GBE1: variants seen among roughly 807,000 people sequenced by gnomAD.
GBE1 encodes 1,4-alpha-glucan branching enzyme 1, also known as 1,4-alpha-glucan-branching enzyme.
In GBE1, 70 loss-of-function variants were observed where a neutral mutation model predicts 88.8. That is an observed-to-expected ratio of 0.79 (90% CI 0.65 to 0.96). The LOEUF (loss-of-function observed/expected upper bound fraction) is 0.96. Among genes scored for constraint, GBE1 ranks in the 40% least tolerant of loss-of-function variants. The pLI is 0.00. For missense variants in GBE1, 872 were observed against 871.0 expected (o/e 1.00, Z -0.01); for synonymous variants, 284 against 300.1 (o/e 0.95, Z 0.56).
chr3:81,514,029 G>GTTA (rs1702760690), intron 14 of GBE1, among the ~76,000 whole-genome samples: 1 of 151,610 alleles, frequency 6.6e-6, no homozygotes, highest in Non-Finnish European at 1.5e-5. Context: ...TGTTACATGA[G>GTTA]CCAATGGGAA....
chr3:81,549,180 C>T (rs1703243662), intron 12 of GBE1, among the ~76,000 whole-genome samples: 1 of 150,834 alleles, frequency 6.6e-6, no homozygotes, highest in Non-Finnish European at 1.5e-5. Flanking sequence ...CAGGTGTCCA[C>T]CACCATGCCG....
intron 1 of GBE1, among the ~76,000 whole-genome samples, chr3:81,738,828 G>A (rs1559704512): frequency 6.6e-6 from 1 of 152,140 alleles, no homozygotes; most frequent in Non-Finnish European, 1.5e-5. Context: ...AAAATTAAGG[G>A]TTAGGAAAGT....
intron 7 of GBE1, among the ~76,000 whole-genome samples, chr3:81,635,433 G>A (rs559619134): frequency 1.4e-4 from 22 of 152,196 alleles, no homozygotes; most frequent in South Asian, 1.2e-3. Context: ...GGATGCTTTC[G>A]AAATTATAAG....
At chr3:81,737,909 C>G (rs1283971183) in intron 1 of GBE1, among the ~76,000 whole-genome samples, 1 of 152,018 alleles carries the variant, frequency 6.6e-6, no homozygotes, top group African/African-American at 2.4e-5. Flanking sequence ...CCCCTTCCCC[C>G]ACCCCAAAAC....
chr3:81,611,898 G>T (rs1704187074), intron 7 of GBE1, among the ~76,000 whole-genome samples: 1 of 151,974 alleles, frequency 6.6e-6, no homozygotes, highest in South Asian at 2.1e-4. Context: ...CACAAGCAAC[G>T]TGACAAGTTT....
chr3:81,518,990 T>C (rs1020917247), intron 14 of GBE1, among the ~76,000 whole-genome samples: 2 of 151,614 alleles, frequency 1.3e-5, no homozygotes, highest in African/African-American at 4.8e-5. Context: ...GAAATTATCC[T>C]TTACATATAT....
intron 1 of GBE1, among the ~76,000 whole-genome samples, chr3:81,750,924 C>T (rs941698818): frequency 9.9e-5 from 15 of 151,268 alleles, no homozygotes; most frequent in African/African-American, 3.6e-4. Flanking sequence ...GTGATCTGCC[C>T]ACCTCAGCCT....
chr3:81,672,160 T>C (rs1454413900), intron 2 of GBE1, among the ~76,000 whole-genome samples: 1 of 151,976 alleles, frequency 6.6e-6, no homozygotes, highest in East Asian at 1.9e-4. Context: ...AGCAACGATA[T>C]AAAACATTGC....
chr3:81,722,896 GTATATA>G (rs553712949), intron 1 of GBE1, among the ~76,000 whole-genome samples: 1 of 135,322 alleles, frequency 7.4e-6, no homozygotes, highest in Non-Finnish European at 1.6e-5. Context: ...GTGTGTGTGT[GTATATA>G]TATATATATA....
intron 14 of GBE1, among the ~76,000 whole-genome samples, chr3:81,533,380 C>T (rs951346353): frequency 3.9e-5 from 6 of 152,052 alleles, no homozygotes; most frequent in South Asian, 2.1e-4. Flanking sequence ...GACAACACAG[C>T]GCATTCTGTG....
In GBE1 at chr3:81,669,729, T is replaced by C. The variant is rs569526376; in HGVS notation, c.429+1109A>G. 2.6e-5 allele frequency among the ~76,000 whole-genome samples: 4 copies of C among 152,254 alleles called. No individual in the cohort carries two copies. The South Asian group carries it at 6.2e-4, about 24-fold the overall frequency. ...TTAAATTTTAATTCCTCTTATTGTA[T>C]ACTGTCAGTATTTTTCTCTTTTTCA... On this transcript the variant is annotated intron_variant, in intron 3 of 15. Coordinates refer to ENST00000429644, the MANE Select transcript of GBE1 (RefSeq NM_000158.4).
At chr3:81,515,806 G>A (rs1488056120) in intron 14 of GBE1, among the ~76,000 whole-genome samples, 1 of 151,582 alleles carries the variant, frequency 6.6e-6, no homozygotes, top group African/African-American at 2.4e-5. Context: ...ATAGGAAGAA[G>A]TTTTTGGTGG....
At chr3:81,655,809 C>T (rs370213953) in intron 3 of GBE1, among the ~76,000 whole-genome samples, 82 of 152,284 alleles carry the variant, frequency 5.4e-4, no homozygotes, top group African/African-American at 1.8e-3. Context: ...GCTGAGCCAC[C>T]ACGCCCAGCC....
At chr3:81,642,699 C>T in intron 7 of GBE1, 82 bp downstream of exon 7, 2 of 884,820 alleles carry the variant, frequency 2.3e-6, no homozygotes, top group East Asian at 2.4e-5. Flanking sequence ...AGAGAGTACA[C>T]ACACAATGAA....
chr3:81,667,925 G>A (rs1705136294), intron 3 of GBE1, among the ~76,000 whole-genome samples: 1 of 152,142 alleles, frequency 6.6e-6, no homozygotes, highest in Non-Finnish European at 1.5e-5. Flanking sequence ...GGTCATATAT[G>A]TTTATTGCAA....
At position 81,532,384 on chromosome 3, in the gene GBE1, T is replaced by C. The variant is rs564495950; in HGVS notation, c.1934+2811A>G. Among the ~76,000 whole-genome samples, 8 of 152,148 alleles carry C rather than the reference T, an allele frequency of 5.3e-5. No homozygotes were observed. The East Asian group carries it at 9.7e-4, about 19-fold the overall frequency. The stretch of plus-strand genomic sequence containing the variant: ...CAGGAATAATACCACCAGCATACTT[T>C]CTATTGTTCAAAGTGAAACCTTACA... On this transcript the variant is annotated intron_variant, in intron 14 of 15. Coordinates refer to ENST00000429644, the MANE Select transcript of GBE1 (RefSeq NM_000158.4).
intron 12 of GBE1, among the ~76,000 whole-genome samples, chr3:81,554,674 A>C (rs1471818787): frequency 6.6e-6 from 1 of 152,222 alleles, no homozygotes; most frequent in Non-Finnish European, 1.5e-5. Flanking sequence ...AAAAAAGATT[A>C]GTAAGAACAT....
At chr3:81,690,647 C>T (rs1576200978) in intron 2 of GBE1, among the ~76,000 whole-genome samples, 1 of 152,154 alleles carries the variant, frequency 6.6e-6, no homozygotes, top group East Asian at 1.9e-4. Flanking sequence ...CCAAGCCATT[C>T]CATAACAGCA....
chr3:81,521,420 T>C (rs1297287085), intron 14 of GBE1, among the ~76,000 whole-genome samples: 3 of 151,616 alleles, frequency 2.0e-5, no homozygotes. Context: ...GAAATACCAA[T>C]GGCATAGAAT....
Sources: allele counts gnomAD v4.1 joint callset (sites outside exome capture counted in the v4.1 genomes callset), GRCh38; gene constraint gnomAD v4.1.1; transcripts MANE v1.5; gene names NCBI Gene and HGNC (gene_info 2026-07-23, HGNC 2026-07-21).